Variants in NPFF observed in about 807,000 individuals in gnomAD.
NPFF encodes the protein neuropeptide FF-amide peptide precursor.
A neutral mutation model predicts 12.9 loss-of-function variants in NPFF; 14 were observed. The observed-to-expected ratio is 1.09, with a 90% CI of 0.72 to 1.70. The LOEUF (loss-of-function observed/expected upper bound fraction) is 1.70, where lower values mean the gene tolerates loss of function less well. Ranked by LOEUF, NPFF falls within the 40% of genes most tolerant of loss-of-function variation. The pLI is 0.00. For synonymous variants in NPFF, 56 were observed against 57.3 expected (o/e 0.98, Z 0.10); for missense variants, 140 against 135.7 (o/e 1.03, Z -0.16).
In NPFF at chr12:53,507,058, G is replaced by C; in HGVS notation, c.187C>G (p.Pro63Ala). ...AACAGGAAGGCTTGGCTCCGGCCAG[G>C]TCTCTCCATTGCCTGGAGCAGGTAG... The part of the protein sequence containing the change: ...LHYLLQAMER[P>A]GRSQAFLFQP... Residue 63 changes from proline (P) to alanine (A), a missense_variant, in exon 2 of 3, where the codon CCT becomes GCT. Coordinates refer to ENST00000267017, the MANE Select transcript of NPFF (RefSeq NM_003717.4). 1 of 1,614,084 alleles carries C rather than the reference G, an allele frequency of 6.2e-7. No homozygotes were observed. Among genetic ancestry groups the C allele is most frequent in the Non-Finnish European group, 8.5e-7 (1 of 1,180,016 alleles).
At position 53,507,131 on chromosome 12, in the gene NPFF, G is replaced by A. The variant is rs771626678; in HGVS notation, c.114C>T (p.Ser38=). Residue 38 remains serine, a synonymous_variant, in exon 2 of 3, where the codon AGC becomes AGT. Transcript: ENST00000267017. ...GGGCATCCTGTGGTGGGAGGGGTTC[G>A]CTGTCTTCCTCCTGTGCCAAGGGGG... The part of the protein sequence containing the change: ...QEDQLSAEED[S]EPLPPQDAQT... The A allele has an allele frequency of 1.2e-5, 19 of 1,613,800 alleles. 1 individual carries two copies. The East Asian group carries it at 2.7e-4, about 23-fold the overall frequency.
Position 53,507,075 on chromosome 12 carries a change from A to G in NPFF, c.170T>C (p.Leu57Pro). The G allele has an allele frequency of 1.2e-6, 2 of 1,614,026 alleles. No homozygotes were observed. Among genetic ancestry groups the G allele is most frequent in the Non-Finnish European group, 1.7e-6 (2 of 1,180,004 alleles). ...CCGGCCAGGTCTCTCCATTGCCTGGAGCAGGTAGTGCAACAGTGACCCAGA... is the reference window on the plus strand; with the variant it reads ...CCGGCCAGGTCTCTCCATTGCCTGGGGCAGGTAGTGCAACAGTGACCCAGA... Reference protein sequence around the residue: ...QTSGSLLHYLLQAMERPGRSQ... With the variant: ...QTSGSLLHYLPQAMERPGRSQ... Residue 57 changes from leucine (L) to proline (P), a missense_variant, in exon 2 of 3, where the codon CTC becomes CCC. Transcript: ENST00000267017.
At chr12:53,506,951 C>A in intron 2 of NPFF, 58 bp from the exon 3 acceptor site, 1 of 1,585,456 alleles carries the variant, frequency 6.3e-7, no homozygotes, top group Non-Finnish European at 8.6e-7. Flanking sequence ...CCCCTTCCTT[C>A]TCCTCTTCCT....
At chr12:53,506,935 TCTAGC>T (rs1287639015) in intron 2 of NPFF, 42 bp from the exon 3 acceptor site, 7 of 1,582,028 alleles carry the variant, frequency 4.4e-6, no homozygotes, top group Non-Finnish European at 6.0e-6. Context: ...GTCTCCCTTC[TCTAGC>T]CCCCTTCCTT....
intron 1 of NPFF, 75 bp downstream of exon 1, chr12:53,507,298 A>G: frequency 1.2e-6 from 2 of 1,601,916 alleles, no homozygotes; most frequent in Non-Finnish European, 1.7e-6. Context: ...CAGCCAGAGA[A>G]AGTATCAGAA....
chr12:53,506,921 C>T (rs368144084), intron 2 of NPFF, 28 bp from the exon 3 acceptor site: 92 of 1,578,082 alleles, frequency 5.8e-5, no homozygotes, highest in East Asian at 5.4e-4. Context: ...CTCAGGTCCC[C>T]GCAGTCTCCC....
rs550215230 is a variant in NPFF at position 53,507,296 on chromosome 12, G to A, written c.102+77C>T. 109 of 1,601,464 alleles carry A rather than the reference G, an allele frequency of 6.8e-5. 2 individuals carry two copies. In the South Asian group the frequency reaches 1.0e-3, roughly 15 times the overall value. ...CCTAATGACAACCTTGGCAGCCAGA[G>A]AAAGTATCAGAACCTAGAGCACAAG... On this transcript the variant is annotated intron_variant, in intron 1 of 2. Coordinates refer to ENST00000267017, the MANE Select transcript of NPFF (RefSeq NM_003717.4).
chr12:53,507,471 C>A lies in NPFF; in HGVS notation c.4G>T (p.Asp2Tyr). The A allele has an allele frequency of 6.2e-7, 1 of 1,612,748 alleles. No individual in the cohort carries two copies. The highest frequency in any genetic ancestry group is 8.5e-7 in the Non-Finnish European group (1 of 1,179,896). The part of the protein sequence containing the change: M[D>Y]SRQAAALLVL... ...AGCAGTGCAGCAGCCTGCCTAGAAT[C>A]CATGCTGCCACCTACCCTCCTACAG... The change falls in exon 1 of 3, where the codon GAT (aspartate) becomes TAT (tyrosine). Residue 2 changes from aspartate to tyrosine, a missense_variant. By Grantham distance (160) the Asp-to-Tyr change is radical. Transcript: ENST00000267017.
chr12:53,507,330 GA>G lies in NPFF; in HGVS notation c.102+42del, dbSNP rs1565905102. ...AGAACCTAGAGCACAAGTCTCAACC[GA>G]AGTAGAGGCAATGGTGATATGGGGA... On this transcript the variant is annotated intron_variant, in intron 1 of 2. Transcript: ENST00000267017. 3 of 1,612,516 alleles carry G rather than the reference GA, an allele frequency of 1.9e-6. No homozygotes were observed. In the East Asian group the frequency reaches 6.7e-5, roughly 36 times the overall value.
Position 53,507,088 on chromosome 12 carries a change from AC to A in NPFF, c.156del (p.Leu53CysfsTer37). On this transcript the variant is annotated frameshift_variant, in exon 2 of 3. Coordinates refer to ENST00000267017, the MANE Select transcript of NPFF (RefSeq NM_003717.4). LOFTEE classifies it high-confidence loss of function. Reference protein sequence around the residue: ...PPQDAQTSGSLLHYLLQAMER... With the variant: ...PPQDAQTSGSXLHYLLQAMER... ...TCCATTGCCTGGAGCAGGTAGTGCA[AC>A]AGTGACCCAGAGGTCTGGGCATCCT... is the stretch of plus-strand genomic sequence containing the variant. The A allele has an allele frequency of 6.2e-7, 1 of 1,614,066 alleles. No individual in the cohort carries two copies. Among genetic ancestry groups the A allele is most frequent in the Non-Finnish European group, 8.5e-7 (1 of 1,180,012 alleles).
intron 1 of NPFF, 55 bp downstream of exon 1, chr12:53,507,318 C>CAA (rs1323814372): frequency 1.2e-6 from 2 of 1,609,894 alleles, no homozygotes; most frequent in Admixed American, 1.7e-5. Flanking sequence ...ACCTAGAGCA[C>CAA]AAGTCTCAAC....
In NPFF at chr12:53,507,354, G is replaced by A. The variant is rs745512380; in HGVS notation, c.102+19C>T. On this transcript the variant is annotated intron_variant, in intron 1 of 2. Transcript: ENST00000267017. ...CGAAGTAGAGGCAATGGTGATATGG[G>A]GATGGGACACACACTCACCGCGGAG... is the stretch of plus-strand genomic sequence containing the variant. The A allele has an allele frequency of 6.2e-7, 1 of 1,613,968 alleles. No homozygotes were observed. The highest frequency in any genetic ancestry group is 8.5e-7 in the Non-Finnish European group (1 of 1,179,956).
chr12:53,507,261 G>C, intron 1 of NPFF, 112 bp downstream of exon 1: 2 of 1,589,004 alleles, frequency 1.3e-6, no homozygotes, highest in Non-Finnish European at 1.7e-6. Flanking sequence ...CATTTCCTCA[G>C]ATGTGAGGAC....
At chr12:53,507,302 A>T (rs948208851) in intron 1 of NPFF, 71 bp downstream of exon 1, 1 of 1,605,090 alleles carries the variant, frequency 6.2e-7, no homozygotes, top group East Asian at 2.2e-5. Context: ...CAGAGAAAGT[A>T]TCAGAACCTA....
intron 2 of NPFF, 46 bp from the exon 3 acceptor site, chr12:53,506,939 G>GC: frequency 1.3e-6 from 2 of 1,580,034 alleles, no homozygotes; most frequent in Non-Finnish European, 1.7e-6. Flanking sequence ...CCCTTCTCTA[G>GC]CCCCCTTCCT....
Position 53,507,458 on chromosome 12 carries a change from G to C in NPFF, c.17C>G (p.Ala6Gly), listed in dbSNP as rs1219720830. The stretch of plus-strand genomic sequence containing the variant: ...CAGCAGCAGCACCAGCAGTGCAGCA[G>C]CCTGCCTAGAATCCATGCTGCCACC... MDSRQAAALLVLLLLI... is the reference protein window; with the variant it reads MDSRQGAALLVLLLLI... The change falls in exon 1 of 3, where the codon GCT (alanine) becomes GGT (glycine). Residue 6 changes from alanine to glycine, a missense_variant. Coordinates refer to ENST00000267017, the MANE Select transcript of NPFF (RefSeq NM_003717.4). 1 of 1,613,260 alleles carries C rather than the reference G, an allele frequency of 6.2e-7. No individual in the cohort carries two copies. Among genetic ancestry groups the C allele is most frequent in the African/African-American group, 1.3e-5 (1 of 74,884 alleles).
rs1271329233 is a variant in NPFF, at chr12:53,507,417, A to G, written c.58T>C (p.Cys20Arg). The G allele has an allele frequency of 6.2e-7, 1 of 1,614,020 alleles. No individual in the cohort carries two copies. ...LVLLLLIDGG[C>R]AEGPGGQQED... ...TGCTGGCCTCCTGGCCCTTCAGCAC[A>G]GCCCCCGTCTATTAACAGCAGCAGC... The change falls in exon 1 of 3, where the codon TGT becomes CGT. Residue 20 changes from cysteine (C) to arginine (R), a missense_variant. By Grantham distance (180) the Cys-to-Arg change is radical. Coordinates refer to ENST00000267017, the MANE Select transcript of NPFF (RefSeq NM_003717.4).
intron 1 of NPFF, 75 bp downstream of exon 1, chr12:53,507,296 GAA>G: frequency 6.2e-7 from 1 of 1,601,464 alleles, no homozygotes; most frequent in Non-Finnish European, 8.5e-7. Context: ...GGCAGCCAGA[GAA>G]AGTATCAGAA....
At chr12:53,506,979 C>T (rs1944020277) in intron 2 of NPFF, 42 bp downstream of exon 2, 5 of 1,602,272 alleles carry the variant, frequency 3.1e-6, no homozygotes, top group African/African-American at 2.7e-5. Flanking sequence ...CTGCCCTTTC[C>T]ACCCCCAGCC....
Sources: allele counts gnomAD v4.1 joint callset, GRCh38; gene constraint gnomAD v4.1.1; transcripts MANE v1.5; gene names NCBI Gene and HGNC (gene_info 2026-07-23, HGNC 2026-07-21).